The following TBC1D14 variants were observed in gnomAD, a reference collection of about 807,000 sequenced individuals.
TBC1D14 encodes the protein TBC1 domain family member 14.
In TBC1D14, 26 loss-of-function variants were observed where a neutral mutation model predicts 79.0. That is an observed-to-expected ratio of 0.33 (90% CI 0.24 to 0.46). The LOEUF is 0.46. Ranked by LOEUF, TBC1D14 falls within the 20% of genes least tolerant of loss-of-function variation. The pLI is 1.00. For synonymous variants in TBC1D14, 394 were observed against 349.9 expected, an observed-to-expected ratio of 1.13 and a Z score of -1.40; for missense variants, 769 against 887.6, an observed-to-expected ratio of 0.87 and a Z score of 1.70.
intron 2 of TBC1D14, among the ~76,000 whole-genome samples, chr4:6,963,124 A>C (rs1207864724): frequency 6.6e-6 from 1 of 152,242 alleles, no homozygotes; most frequent in Non-Finnish European, 1.5e-5. Flanking sequence ...CAGGCCCGGC[A>C]GCTGGTCCGG....
chr4:6,955,107 T>C (rs1009293347), intron 2 of TBC1D14, among the ~76,000 whole-genome samples: 5 of 152,214 alleles, frequency 3.3e-5, no homozygotes, highest in African/African-American at 1.2e-4. Context: ...CATAGGAGGT[T>C]TGCTCTGAAG....
At chr4:6,958,111 C>T (rs1056192698) in intron 2 of TBC1D14, among the ~76,000 whole-genome samples, 2 of 152,166 alleles carry the variant, frequency 1.3e-5, no homozygotes, top group African/African-American at 2.4e-5. Context: ...ATGGCACTGC[C>T]TACTGTGCTC....
At chr4:6,925,395 C>T (rs897270666) in intron 2 of TBC1D14, among the ~76,000 whole-genome samples, 2 of 152,202 alleles carry the variant, frequency 1.3e-5, no homozygotes, top group African/African-American at 4.8e-5. Context: ...GTGTGTGTCT[C>T]TAGCAGAACC....
intron 2 of TBC1D14, among the ~76,000 whole-genome samples, chr4:6,936,991 C>T (rs927440620): frequency 6.6e-6 from 1 of 152,182 alleles, no homozygotes; most frequent in African/African-American, 2.4e-5. Context: ...GATCTCGGCT[C>T]ACCGCAACCT....
intron 11 of TBC1D14, 61 bp downstream of exon 11, chr4:7,010,842 C>T (rs1720689736): frequency 6.4e-7 from 1 of 1,554,084 alleles, no homozygotes; most frequent in Non-Finnish European, 8.7e-7. Flanking sequence ...GAGTTGCTTA[C>T]TCGTCTGTGT....
chr4:7,008,662 C>T (rs370347769), intron 9 of TBC1D14, among the ~76,000 whole-genome samples: 3 of 152,212 alleles, frequency 2.0e-5, no homozygotes, highest in African/African-American at 4.8e-5. Context: ...CAGCCCACCT[C>T]GGCCTCCCAA....
chr4:6,949,940 G>A (rs1157927261), intron 2 of TBC1D14, among the ~76,000 whole-genome samples: 1 of 152,094 alleles, frequency 6.6e-6, no homozygotes, highest in African/African-American at 2.4e-5. Context: ...TACATGTGCA[G>A]AACATGCAGG....
chr4:6,941,337 C>T (rs1245454175), intron 2 of TBC1D14, among the ~76,000 whole-genome samples: 1 of 152,074 alleles, frequency 6.6e-6, no homozygotes, highest in African/African-American at 2.4e-5. Context: ...AGGCGTCCGC[C>T]ACCACGCCTG....
chr4:6,982,666 A>T (rs1244645978), intron 3 of TBC1D14, among the ~76,000 whole-genome samples: 1 of 152,220 alleles, frequency 6.6e-6, no homozygotes, highest in East Asian at 1.9e-4. Context: ...TCTCCTACAG[A>T]TGAATACGCA....
chr4:6,911,690 T>A (rs1723006832), intron 1 of TBC1D14, among the ~76,000 whole-genome samples: 1 of 152,172 alleles, frequency 6.6e-6, no homozygotes, highest in Admixed American at 6.5e-5. Context: ...CTACTCTGGG[T>A]TGATTGCTTA....
At chr4:7,004,432 T>A (rs1045791180) in intron 7 of TBC1D14, among the ~76,000 whole-genome samples, 2 of 152,230 alleles carry the variant, frequency 1.3e-5, no homozygotes, top group African/African-American at 2.4e-5. Context: ...CTTCCCTCCC[T>A]CGGTCATTGA....
At chr4:6,960,593 T>C (rs1474334116) in intron 2 of TBC1D14, among the ~76,000 whole-genome samples, 1 of 152,174 alleles carries the variant, frequency 6.6e-6, no homozygotes, top group East Asian at 1.9e-4. Flanking sequence ...TGTGAGTGTA[T>C]CAGGAACTCT....
At chr4:7,010,031 G>C in intron 10 of TBC1D14, 83 bp downstream of exon 10, 2 of 1,481,684 alleles carry the variant, frequency 1.3e-6, no homozygotes, top group Non-Finnish European at 1.9e-6. Context: ...AGCTGCAAAT[G>C]TCATGCCAGT....
At chr4:6,918,622 CGCCTTACTTG>C (rs1394903834) in intron 1 of TBC1D14, among the ~76,000 whole-genome samples, 2 of 152,186 alleles carry the variant, frequency 1.3e-5, no homozygotes, top group African/African-American at 4.8e-5. Context: ...CATTTGAGGT[CGCCTTACTTG>C]GCAAGTGGCA....
At chr4:6,931,230 C>T (rs1166750899) in intron 2 of TBC1D14, among the ~76,000 whole-genome samples, 1 of 152,142 alleles carries the variant, frequency 6.6e-6, no homozygotes, top group Non-Finnish European at 1.5e-5. Flanking sequence ...TGTTTTGATT[C>T]CCCCATCCCG....
chr4:7,027,968 G>T, intron 13 of TBC1D14, among the ~76,000 whole-genome samples: 2 of 31,468 alleles, frequency 6.4e-5, no homozygotes, highest in South Asian at 7.4e-4. Context: ...CACACACATT[G>T]CCCACCCCCC....
At chr4:6,935,589 C>G (rs866886045) in intron 2 of TBC1D14, among the ~76,000 whole-genome samples, 2 of 152,066 alleles carry the variant, frequency 1.3e-5, no homozygotes, top group South Asian at 4.1e-4. Context: ...CCTCTCTCCC[C>G]CTTCCATGCT....
chr4:7,012,972 A>G (rs1194903483), intron 11 of TBC1D14, among the ~76,000 whole-genome samples: 1 of 152,166 alleles, frequency 6.6e-6, no homozygotes, highest in East Asian at 1.9e-4. Context: ...TGTAAATTTA[A>G]TTTTATCTTT....
At chr4:7,010,804 C>T (rs1056300261) in intron 11 of TBC1D14, 23 bp downstream of exon 11, 5 of 1,607,658 alleles carry the variant, frequency 3.1e-6, no homozygotes, top group East Asian at 2.2e-5. Flanking sequence ...TGTGTTCGGG[C>T]CCTGGGTACT....
Sources: gnomAD v4.1 joint callset for allele counts (sites outside exome capture counted in the v4.1 genomes callset) on GRCh38, gnomAD v4.1.1 for gene constraint, MANE v1.5 for transcripts, NCBI Gene and HGNC (gene_info 2026-07-23, HGNC 2026-07-21) for gene names.